HEG1: variants seen among roughly 807,000 people sequenced by gnomAD.
The protein encoded by HEG1 is protein HEG homolog 1.
HEG1 carries 56 observed loss-of-function variants against 125.6 expected under a neutral mutation model. The observed-to-expected ratio is 0.45, with a 90% CI of 0.36 to 0.56. The LOEUF (loss-of-function observed/expected upper bound fraction) is 0.56. Among genes scored for constraint, HEG1 ranks in the 20% least tolerant of loss-of-function variants. The probability of loss-of-function intolerance (pLI) is 0.00; values close to 1 mark genes in which losing one functional copy is unlikely to be tolerated. For synonymous variants in HEG1, 644 were observed against 668.5 expected, an observed-to-expected ratio of 0.96 and a Z score of 0.57; for missense variants, 1,523 against 1,670.0, an observed-to-expected ratio of 0.91 and a Z score of 1.53.
Position 125,020,908 on chromosome 3 carries a change from A to G in HEG1, c.1136T>C (p.Val379Ala). 6.2e-7 allele frequency: 1 copy of G among 1,613,942 alleles called. No homozygotes were observed. The highest frequency in any genetic ancestry group is 8.5e-7 in the Non-Finnish European group (1 of 1,179,866). The change falls in exon 4 of 17, where the codon GTG becomes GCG. Residue 379 changes from valine (V) to alanine (A), a missense_variant. Transcript: ENST00000311127. ...TACTCTACTGTTTCTTCTCGATTCCACTGCAGAGGGTGAAAGAAGGACTGA... is the reference window on the plus strand; with the variant it reads ...TACTCTACTGTTTCTTCTCGATTCCGCTGCAGAGGGTGAAAGAAGGACTGA... ...SSSVLLSPSAVESRRNSRVTG... is the reference protein window; with the variant it reads ...SSSVLLSPSAAESRRNSRVTG...
intron 14 of HEG1, among the ~76,000 whole-genome samples, chr3:124,987,277 G>C (rs1936752938): frequency 6.6e-6 from 1 of 152,158 alleles, no homozygotes; most frequent in African/African-American, 2.4e-5. Flanking sequence ...TTCTATGAGA[G>C]GCCTGTCAGG....
At chr3:124,983,690 T>C (rs1936691094) in intron 14 of HEG1, among the ~76,000 whole-genome samples, 1 of 152,062 alleles carries the variant, frequency 6.6e-6, no homozygotes, top group Admixed American at 6.6e-5. Context: ...ACAGCATTCT[T>C]ATTTTCTCCC....
intron 12 of HEG1, among the ~76,000 whole-genome samples, chr3:124,994,902 G>A (rs1454829718): frequency 1.3e-5 from 2 of 152,148 alleles, no homozygotes; most frequent in Non-Finnish European, 2.9e-5. Flanking sequence ...TCATCCACTC[G>A]TTCATTCAAC....
chr3:124,970,607 C>T lies in HEG1; in HGVS notation c.*45G>A, dbSNP rs367555841. 5 of 1,549,916 alleles carry T rather than the reference C, an allele frequency of 3.2e-6. No homozygotes were observed. Among genetic ancestry groups the T allele is most frequent in the East Asian group, 2.4e-5 (1 of 42,372 alleles). ...CTGGTGCGGTCCTCTGAGCAGAGGTCCCAGGTGACTGGCTCAGAGCAATGA... is the reference window on the plus strand; with the variant it reads ...CTGGTGCGGTCCTCTGAGCAGAGGTTCCAGGTGACTGGCTCAGAGCAATGA... On this transcript the variant is annotated 3_prime_UTR_variant, in exon 17 of 17. Coordinates refer to ENST00000311127, the MANE Select transcript of HEG1 (RefSeq NM_020733.2).
At chr3:124,989,313 A>G (rs758587448) in intron 14 of HEG1, among the ~76,000 whole-genome samples, 6 of 152,218 alleles carry the variant, frequency 3.9e-5, no homozygotes, top group Non-Finnish European at 5.9e-5. Context: ...AATCAGATGT[A>G]AGGTATACCA....
Position 124,969,980 on chromosome 3 carries a change from A to G in HEG1, c.*672T>C, listed in dbSNP as rs1274732395. On this transcript the variant is annotated 3_prime_UTR_variant, in exon 17 of 17. Coordinates refer to ENST00000311127, the MANE Select transcript of HEG1 (RefSeq NM_020733.2). ...AATCTTAAATACATGTGTCACCTTGACTTAAAAAACACATTGCAGTTGTGT... is the reference window on the plus strand; with the variant it reads ...AATCTTAAATACATGTGTCACCTTGGCTTAAAAAACACATTGCAGTTGTGT... 6.6e-6 allele frequency: 1 copy of G among 152,220 alleles called. No individual in the cohort carries two copies. Among genetic ancestry groups the G allele is most frequent in the Non-Finnish European group, 1.5e-5 (1 of 68,046 alleles). The allele number at this position is 152,220 out of a possible 1,614,324, so 9.4% of individuals were successfully genotyped here.
rs1258950753 is a variant in HEG1 at position 125,019,442 on chromosome 3, T to C, written c.1408A>G (p.Thr470Ala). ...LTNSTTSADV[T>A]GSSASYPEGV... ...TCAGGATATGAAGCAGAGCTTCCTG[T>C]CACATCTGCAGATGTTGTGCTGTTG... The change falls in exon 5 of 17, where the codon ACA becomes GCA. Residue 470 changes from threonine to alanine, a missense_variant. Transcript: ENST00000311127. 1 of 1,614,040 alleles carries C rather than the reference T, an allele frequency of 6.2e-7. No individual in the cohort carries two copies. Among genetic ancestry groups the C allele is most frequent in the South Asian group, 1.1e-5 (1 of 91,086 alleles).
At chr3:125,045,910 C>T (rs988006852) in intron 1 of HEG1, among the ~76,000 whole-genome samples, 3 of 152,222 alleles carry the variant, frequency 2.0e-5, no homozygotes, top group African/African-American at 7.2e-5. Flanking sequence ...TGCCCAAGGT[C>T]ATGGCCAGTT....
chr3:125,055,603 G>T lies in HEG1; in HGVS notation c.288C>A (p.Ser96=). The change falls in exon 1 of 17, where the codon TCC becomes TCA. Residue 96 remains serine, a synonymous_variant. Coordinates refer to ENST00000311127, the MANE Select transcript of HEG1 (RefSeq NM_020733.2). ...EPGAATQRGP[S]GRAPRGGSAD... Reference sequence around the variant, plus strand: ...CGCTCCCGCCTCTGGGGGCCCGGCCGGAGGGTCCCCGCTGTGTCGCGGCGC... The same window carrying T: ...CGCTCCCGCCTCTGGGGGCCCGGCCTGAGGGTCCCCGCTGTGTCGCGGCGC... The T allele has an allele frequency of 2.5e-6, 3 of 1,206,082 alleles. No individual in the cohort carries two copies. Among genetic ancestry groups the T allele is most frequent in the Non-Finnish European group, 3.1e-6 (3 of 971,080 alleles). 74.7% of individuals were successfully genotyped at this position (1,206,082 alleles called of 1,614,324 possible). A position where few individuals can be genotyped will look rare whatever the true frequency, so the allele number is the denominator to read the frequency against.
chr3:124,967,018 A>G lies in HEG1; in HGVS notation c.*3634T>C, dbSNP rs745896075. 13 of 152,200 alleles carry G rather than the reference A, an allele frequency of 8.5e-5. No individual in the cohort carries two copies. The highest frequency in any genetic ancestry group is 1.9e-4 in the Non-Finnish European group (13 of 68,034). The allele number at this position is 152,200 out of a possible 1,614,324, so 9.4% of individuals were successfully genotyped here. On this transcript the variant is annotated 3_prime_UTR_variant, in exon 17 of 17. Coordinates refer to ENST00000311127, the MANE Select transcript of HEG1 (RefSeq NM_020733.2). The stretch of plus-strand genomic sequence containing the variant: ...CCACTTTAAGAGTTACCTCTTTAAG[A>G]ACTCAATCGTCACATCTTAGTTTTT...
At chr3:124,994,868 T>C (rs1182069967) in intron 12 of HEG1, among the ~76,000 whole-genome samples, 1 of 152,256 alleles carries the variant, frequency 6.6e-6, no homozygotes, top group African/African-American at 2.4e-5. Flanking sequence ...ATGTCAATCT[T>C]TTCCCATCTT....
intron 1 of HEG1, among the ~76,000 whole-genome samples, chr3:125,048,832 G>A (rs11710268): frequency 0.11 from 16,309 of 152,186 alleles, 995 homozygotes; most frequent in South Asian, 0.17. Flanking sequence ...GATTCACCAT[G>A]TATTCTGGAA....
Position 124,977,859 on chromosome 3 carries a change from C to G in HEG1, c.3821G>C (p.Arg1274Thr), listed in dbSNP as rs779466497. The change falls in exon 15 of 17, where the codon AGA becomes ACA. Residue 1274 changes from arginine (R) to threonine (T), a missense_variant and splice_region_variant. Coordinates refer to ENST00000311127, the MANE Select transcript of HEG1 (RefSeq NM_020733.2). ...LGIALIVTCC[R>T]KNKNDISKLI... ...TGGAACCTGAACTCTCATCACTTAC[C>G]TGCAACAGGTAACAATCAGTGCGAT... 1.9e-6 allele frequency: 3 copies of G among 1,561,894 alleles called. No individual in the cohort carries two copies. Among genetic ancestry groups the G allele is most frequent in the African/African-American group, 1.4e-5 (1 of 73,704 alleles).
intron 12 of HEG1, among the ~76,000 whole-genome samples, chr3:124,996,630 C>T (rs1256852007): frequency 6.6e-6 from 1 of 152,204 alleles, no homozygotes; most frequent in African/African-American, 2.4e-5. Context: ...CCAAACCTAA[C>T]AAAGTCAGAG....
chr3:125,009,668 G>C lies in HEG1; in HGVS notation c.3193+37C>G, dbSNP rs760412008. ...ATGTTACCTTGTAAAATATATTGTG[G>C]TACGGAATAAAGTCCGAAATAGACT... On this transcript the variant is annotated intron_variant, in intron 8 of 16. Coordinates refer to ENST00000311127, the MANE Select transcript of HEG1 (RefSeq NM_020733.2). 7.0e-6 allele frequency: 11 copies of C among 1,570,452 alleles called. No homozygotes were observed. The Admixed American group carries it at 7.2e-5, about 10-fold the overall frequency.
intron 12 of HEG1, among the ~76,000 whole-genome samples, chr3:124,993,142 T>C (rs1560019142): frequency 1.3e-5 from 2 of 152,200 alleles, no homozygotes. Context: ...TTTGCCTCAG[T>C]GTCCGGGAAC....
At chr3:125,051,554 G>T (rs560275899) in intron 1 of HEG1, among the ~76,000 whole-genome samples, 1 of 152,204 alleles carries the variant, frequency 6.6e-6, no homozygotes, top group Admixed American at 6.5e-5. Context: ...CATCCCTCAC[G>T]GGCTTGTTTT....
chr3:124,980,640 C>T (rs769552152), intron 14 of HEG1, among the ~76,000 whole-genome samples: 1 of 152,104 alleles, frequency 6.6e-6, no homozygotes, highest in Non-Finnish European at 1.5e-5. Flanking sequence ...CCTCAACCTC[C>T]TGAGTAGCTG....
intron 1 of HEG1, among the ~76,000 whole-genome samples, chr3:125,051,846 T>A (rs1444369222): frequency 1.3e-5 from 2 of 152,164 alleles, no homozygotes. Context: ...CAAGTTAAAT[T>A]CAGGAACACT....
Sources: gnomAD v4.1 joint callset for allele counts (sites outside exome capture counted in the v4.1 genomes callset) on GRCh38, gnomAD v4.1.1 for gene constraint, MANE v1.5 for transcripts, NCBI Gene and HGNC (gene_info 2026-07-23, HGNC 2026-07-21) for gene names.